The following IFT80 variants were observed in gnomAD, a reference collection of about 807,000 sequenced individuals.
The protein encoded by IFT80 is intraflagellar transport protein 80 homolog.
IFT80 carries 79 observed loss-of-function variants against 107.9 expected under a neutral mutation model. The observed-to-expected ratio is 0.73, with a 90% confidence interval of 0.61 to 0.88. The LOEUF (loss-of-function observed/expected upper bound fraction) is 0.88. IFT80 is among the 40% of genes least tolerant of loss of function. The probability of loss-of-function intolerance (pLI) is 0.00; values close to 1 mark genes in which losing one functional copy is unlikely to be tolerated. For missense variants in IFT80, 797 were observed against 914.2 expected (o/e 0.87, Z 1.65); for synonymous variants, 299 against 300.9 (o/e 0.99, Z 0.07).
At chr3:160,345,093 T>C (rs377127278) in intron 8 of IFT80, among the ~76,000 whole-genome samples, 21 of 152,284 alleles carry the variant, frequency 1.4e-4, no homozygotes, top group African/African-American at 5.0e-4. Flanking sequence ...CTGCTAGGTA[T>C]ACACCTAAAA....
intron 18 of IFT80, among the ~76,000 whole-genome samples, chr3:160,271,369 C>T (rs1168704786): frequency 6.6e-6 from 1 of 152,084 alleles, no homozygotes; most frequent in Non-Finnish European, 1.5e-5. Context: ...GTTATAACTT[C>T]AAAATATGAT....
chr3:160,356,333 C>T (rs1360016558), intron 7 of IFT80, among the ~76,000 whole-genome samples, 183 bp from the exon 8 acceptor site: 1 of 152,108 alleles, frequency 6.6e-6, no homozygotes, highest in Non-Finnish European at 1.5e-5. Context: ...AGCAATTAAA[C>T]GTCTTTACTA....
intron 5 of IFT80, among the ~76,000 whole-genome samples, chr3:160,373,158 T>C (rs1004098310): frequency 7.2e-5 from 11 of 152,168 alleles, no homozygotes; most frequent in Admixed American, 7.2e-4. Context: ...TCCACCCATC[T>C]TGGCCTCCTG....
intron 8 of IFT80, among the ~76,000 whole-genome samples, chr3:160,336,670 T>C (rs1466193007): frequency 7.9e-5 from 12 of 152,126 alleles, no homozygotes; most frequent in Non-Finnish European, 1.3e-4. Context: ...CTTTCCTATA[T>C]AGCTATTGAC....
In IFT80 at chr3:160,258,419, C is replaced by T. The variant is rs1712527166; in HGVS notation, c.*106G>A. ...ACTAAATACACAGCAAGTACTTATA[C>T]TCGGTTAAAGATTATGCTTTTTTCT... On this transcript the variant is annotated 3_prime_UTR_variant, in exon 20 of 20. Transcript: ENST00000326448. 6 of 1,377,996 alleles carry T rather than the reference C, an allele frequency of 4.4e-6. 1 individual carries two copies. The highest frequency in any genetic ancestry group is 4.7e-5 in the East Asian group (2 of 42,430). The allele number at this position is 1,377,996 out of a possible 1,614,324, so 85.4% of individuals were successfully genotyped here. A position where few individuals can be genotyped will look rare whatever the true frequency, so the allele number is the denominator to read the frequency against.
chr3:160,361,937 A>G (rs1271339976), intron 6 of IFT80, among the ~76,000 whole-genome samples: 2 of 152,228 alleles, frequency 1.3e-5, no homozygotes, highest in Admixed American at 1.3e-4. Flanking sequence ...AAGATCTAAA[A>G]TTGACACCCT....
chr3:160,316,852 CA>C (rs1269226583), intron 9 of IFT80, among the ~76,000 whole-genome samples: 1 of 152,048 alleles, frequency 6.6e-6, no homozygotes, highest in African/African-American at 2.4e-5. Flanking sequence ...ACCAAGGCCA[CA>C]AAATAGAGCC....
intron 3 of IFT80, 29 bp downstream of exon 3, chr3:160,381,474 C>A (rs771937666): frequency 6.7e-7 from 1 of 1,487,794 alleles, no homozygotes; most frequent in East Asian, 2.3e-5. Flanking sequence ...AATACAATGG[C>A]GAGCATATAA....
chr3:160,320,764 C>T (rs1718151156), intron 8 of IFT80, among the ~76,000 whole-genome samples: 1 of 151,504 alleles, frequency 6.6e-6, no homozygotes, highest in Non-Finnish European at 1.5e-5. Flanking sequence ...GATATATATA[C>T]ATATATATAT....
intron 7 of IFT80, 135 bp downstream of exon 7, chr3:160,357,354 C>T: frequency 1.7e-6 from 1 of 586,634 alleles, no homozygotes; most frequent in South Asian, 2.2e-5. Flanking sequence ...TACCACTTAA[C>T]ATTATAAAAT....
chr3:160,329,783 C>T (rs1462804234), intron 8 of IFT80, among the ~76,000 whole-genome samples: 2 of 151,990 alleles, frequency 1.3e-5, no homozygotes, highest in African/African-American at 2.4e-5. Context: ...TTTCTGAAGG[C>T]TTCCATGTTA....
rs9637414 is a variant in IFT80 at position 160,300,854 on chromosome 3, G to C, written c.1315+29C>G. The C allele has an allele frequency of 0.048, 73,599 of 1,544,816 alleles. 2,111 individuals carry two copies. The highest frequency in any genetic ancestry group is 0.073 in the Middle Eastern group (311 of 4,246). On this transcript the variant is annotated intron_variant, in intron 12 of 19. Transcript: ENST00000326448. ...TATAGTGTTAACAAATTTCATATTT[G>C]ACAGGAAAAATTATAAAAATATACT...
At chr3:160,351,662 C>T (rs1720717601) in intron 8 of IFT80, among the ~76,000 whole-genome samples, 1 of 145,072 alleles carries the variant, frequency 6.9e-6, no homozygotes, top group African/African-American at 2.6e-5. Flanking sequence ...CATATGCATA[C>T]ATACACACAT....
intron 4 of IFT80, among the ~76,000 whole-genome samples, chr3:160,376,578 GCA>G (rs1712044626): frequency 6.6e-6 from 1 of 152,200 alleles, no homozygotes; most frequent in Non-Finnish European, 1.5e-5. Context: ...ACTTCAAGAG[GCA>G]CAGTTTAATT....
At chr3:160,266,437 G>C (rs990091960) in intron 19 of IFT80, among the ~76,000 whole-genome samples, 4 of 149,972 alleles carry the variant, frequency 2.7e-5, no homozygotes, top group Non-Finnish European at 4.4e-5. Context: ...ACCTAGGCTG[G>C]AGTGCAGTGG....
chr3:160,337,676 T>G (rs1164436847), intron 8 of IFT80, among the ~76,000 whole-genome samples: 2 of 152,190 alleles, frequency 1.3e-5, no homozygotes, highest in Admixed American at 1.3e-4. Flanking sequence ...TTGCCTATTT[T>G]TTCTTTGAGT....
At position 160,356,131 on chromosome 3, in the gene IFT80, C is replaced by T. The variant is rs754818191; in HGVS notation, c.659G>A (p.Arg220His). 23 of 1,613,766 alleles carry T rather than the reference C, an allele frequency of 1.4e-5. No homozygotes were observed. The highest frequency in any genetic ancestry group is 6.6e-5 in the South Asian group (6 of 91,064). ...ATGAGGTTGTGAATTGTACAGTGGG[C>T]GGCCGTAACTATCCCATACCTACAA... is the stretch of plus-strand genomic sequence containing the variant. ...CKYKVWDSYG[R>H]PLYNSQPHEH... Residue 220 changes from arginine to histidine, a missense_variant, in exon 8 of 20, where the codon CGC (arginine) becomes CAC (histidine). Coordinates refer to ENST00000326448, the MANE Select transcript of IFT80 (RefSeq NM_020800.3).
chr3:160,294,134 G>C (rs989168475), intron 12 of IFT80, among the ~76,000 whole-genome samples: 1 of 152,312 alleles, frequency 6.6e-6, no homozygotes, highest in Non-Finnish European at 1.5e-5. Context: ...GGTCAGAAAT[G>C]CAAGTGCCCT....
In IFT80 at chr3:160,366,169, GA is replaced by G. The variant is rs199675485; in HGVS notation, c.440-18del. 1.5e-3 allele frequency: 2,063 copies of G among 1,336,848 alleles called. 6 individuals are homozygous for G. The highest frequency in any genetic ancestry group is 4.6e-3 in the South Asian group (350 of 75,698). The allele number at this position is 1,336,848 out of a possible 1,614,324, so 82.8% of individuals were successfully genotyped here. A position where few individuals can be genotyped will look rare whatever the true frequency, so the allele number is the denominator to read the frequency against. ...CTGGTGTTCCTGTAAGATGAAAAAA[GA>G]AAAAAAAAAGGCTGATAAACTTTAA... On this transcript the variant is annotated intron_variant, in intron 5 of 19. Coordinates refer to ENST00000326448, the MANE Select transcript of IFT80 (RefSeq NM_020800.3).
Sources: gnomAD v4.1 joint callset for allele counts (sites outside exome capture counted in the v4.1 genomes callset) on GRCh38, gnomAD v4.1.1 for gene constraint, MANE v1.5 for transcripts, NCBI Gene and HGNC (gene_info 2026-07-23, HGNC 2026-07-21) for gene names.